PISD: variants seen among roughly 807,000 people sequenced by gnomAD.
PISD encodes phosphatidylserine decarboxylase proenzyme, mitochondrial.
PISD carries 31 observed loss-of-function variants against 43.5 expected under a neutral mutation model. That is an observed-to-expected ratio of 0.71 (90% CI 0.54 to 0.96). The LOEUF is 0.96. PISD is among the 40% of genes least tolerant of loss of function. The pLI, the probability that PISD is intolerant of heterozygous loss-of-function variation, is 0.00. For synonymous variants in PISD, 259 were observed against 228.7 expected (o/e 1.13, Z -1.20); for missense variants, 523 against 548.4 (o/e 0.95, Z 0.46).
chr22:31,627,226 T>C (rs1310311564), intron 3 of PISD, among the ~76,000 whole-genome samples: 1 of 152,158 alleles, frequency 6.6e-6, no homozygotes, highest in Non-Finnish European at 1.5e-5. Context: ...CTCTCCTAAA[T>C]GAGTGACGGG....
chr22:31,644,099 T>A (rs2073814748), intron 3 of PISD, among the ~76,000 whole-genome samples: 1 of 151,918 alleles, frequency 6.6e-6, no homozygotes, highest in African/African-American at 2.4e-5. Flanking sequence ...AAGGGAACAT[T>A]AGGTAGGGCT....
chr22:31,655,316 C>CTTTTT (rs58895520), intron 1 of PISD, among the ~76,000 whole-genome samples: 4,822 of 145,046 alleles, frequency 0.033, 153 homozygotes, highest in Admixed American at 0.11. Flanking sequence ...GTACAACCCC[C>CTTTTT]TTTTTTTTTT....
chr22:31,629,772 T>A (rs1223699041), intron 3 of PISD: 4 of 152,200 alleles, frequency 2.6e-5, no homozygotes, highest in African/African-American at 7.3e-5. Context: ...TATGGCACTG[T>A]CACCTGCAGT....
chr22:31,623,916 C>T (rs923920241), intron 3 of PISD: 2 of 1,436,894 alleles, frequency 1.4e-6, no homozygotes, highest in Non-Finnish European at 1.9e-6. Flanking sequence ...CAGGAGGCTG[C>T]CACCTGCACC....
At chr22:31,654,037 C>T (rs1208197158) in intron 1 of PISD, among the ~76,000 whole-genome samples, 1 of 152,186 alleles carries the variant, frequency 6.6e-6, no homozygotes, top group African/African-American at 2.4e-5. Context: ...AAGAGCTCTC[C>T]ACTCACTGTT....
intron 7 of PISD, among the ~76,000 whole-genome samples, chr22:31,620,100 G>A (rs776788902): frequency 6.6e-6 from 1 of 152,228 alleles, no homozygotes; most frequent in Admixed American, 6.5e-5. Context: ...ATGGTGCTGG[G>A]AGAGCAGCAC....
Position 31,619,524 on chromosome 22 carries a change from C to G in PISD, c.*88G>C. On this transcript the variant is annotated 3_prime_UTR_variant, in exon 8 of 8. Coordinates refer to ENST00000439502, the MANE Select transcript of PISD (RefSeq NM_001326411.2). ...CCAACCACGCTGAGGCAGGCCCTTA[C>G]CTGGATGGCCTCATGGGCCTCCCTC... 1 of 1,053,508 alleles carries G rather than the reference C, an allele frequency of 9.5e-7. No homozygotes were observed. The highest frequency in any genetic ancestry group is 1.5e-6 in the Non-Finnish European group (1 of 686,244). 65.3% of individuals were successfully genotyped at this position (1,053,508 alleles called of 1,614,324 possible). A position where few individuals can be genotyped will look rare whatever the true frequency, so the allele number is the denominator to read the frequency against.
chr22:31,654,912 CT>C (rs974595383), intron 1 of PISD, among the ~76,000 whole-genome samples: 1 of 151,882 alleles, frequency 6.6e-6, no homozygotes, highest in African/African-American at 2.4e-5. Flanking sequence ...CCAGTAGCTA[CT>C]AAAATCCAAA....
rs1569488860 is a variant in PISD at position 31,640,887 on chromosome 22, T to TTTTTTTGTTTTG, written c.321+7213_321+7214insCAAAACAAAAAA. Among the ~76,000 whole-genome samples the TTTTTTTGTTTTG allele has an allele frequency of 8.3e-5, 6 of 72,218 alleles. 1 individual carries two copies. The highest frequency in any genetic ancestry group is 1.6e-4 in the Non-Finnish European group (6 of 38,606). 47.4% of individuals were successfully genotyped at this position (72,218 alleles called of 152,430 possible). A position where few individuals can be genotyped will look rare whatever the true frequency, so the allele number is the denominator to read the frequency against. On this transcript the variant is annotated intron_variant, in intron 3 of 7. Transcript: ENST00000439502. The stretch of plus-strand genomic sequence containing the variant: ...TGAGCCACCACACCCGGTGTTTTTT[T>TTTTTTTGTTTTG]TTTTTTTTTTTTTTTTTGAGATGGA...
At chr22:31,635,646 A>C (rs942548550) in intron 3 of PISD, among the ~76,000 whole-genome samples, 3 of 152,200 alleles carry the variant, frequency 2.0e-5, no homozygotes, top group African/African-American at 7.2e-5. Flanking sequence ...CCACACACTG[A>C]CCGCTCAAAG....
rs1331062915 is a variant in PISD at position 31,618,834 on chromosome 22, G to A, written c.*778C>T. On this transcript the variant is annotated 3_prime_UTR_variant, in exon 8 of 8. Transcript: ENST00000439502. ...ATGTAGGGATATGTGGAGGGGGACA[G>A]GAACTCTCCCATTTCCCCAGCTGGG... is the stretch of plus-strand genomic sequence containing the variant. The A allele has an allele frequency of 6.2e-6, 1 of 162,310 alleles. No homozygotes were observed. Among genetic ancestry groups the A allele is most frequent in the Non-Finnish European group, 1.3e-5 (1 of 74,464 alleles). The allele number at this position is 162,310 out of a possible 1,614,324, so 10.1% of individuals were successfully genotyped here.
At position 31,637,165 on chromosome 22, in the gene PISD, ATATATATATATATATATATATATATAT is replaced by A. The variant is rs1270340687; in HGVS notation, c.321+10909_321+10935del. Reference sequence around the variant, plus strand: ...AATTAAAAAAAAAAAAAAAAAAAAAATATATATATATATATATATATATATATATATATATATATATAGAAAAATTAG... The same window carrying A: ...AATTAAAAAAAAAAAAAAAAAAAAAAATATATATATATATAGAAAAATTAG... On this transcript the variant is annotated intron_variant, in intron 3 of 7. Coordinates refer to ENST00000439502, the MANE Select transcript of PISD (RefSeq NM_001326411.2). Among the ~76,000 whole-genome samples the A allele has an allele frequency of 6.6e-3, 89 of 13,402 alleles. 2 individuals are homozygous for A. Among genetic ancestry groups the A allele is most frequent in the African/African-American group, 0.042 (86 of 2,058 alleles). 8.8% of individuals were successfully genotyped at this position (13,402 alleles called of 152,430 possible). A position where few individuals can be genotyped will look rare whatever the true frequency, so the allele number is the denominator to read the frequency against.
chr22:31,623,291 C>T (rs1274009228), intron 3 of PISD, among the ~76,000 whole-genome samples: 1 of 152,212 alleles, frequency 6.6e-6, no homozygotes, highest in African/African-American at 2.4e-5. Flanking sequence ...CCTGAACCAC[C>T]CCTTTGGCAT....
chr22:31,655,719 C>T lies in PISD; in HGVS notation c.66-4941G>A, dbSNP rs541631683. On this transcript the variant is annotated intron_variant, in intron 1 of 7. Coordinates refer to ENST00000439502, the MANE Select transcript of PISD (RefSeq NM_001326411.2). ...GCGTGATCTCAACTCACTGCAACCT[C>T]CGCCTCCTGGGTTCAAGCAGTTCTT... Among the ~76,000 whole-genome samples the T allele has an allele frequency of 3.9e-5, 6 of 152,194 alleles. No individual in the cohort carries two copies. The East Asian group carries it at 1.2e-3, about 30-fold the overall frequency.
chr22:31,636,055 G>A (rs375347741), intron 3 of PISD, among the ~76,000 whole-genome samples: 12 of 152,184 alleles, frequency 7.9e-5, no homozygotes, highest in South Asian at 4.1e-4. Context: ...CATGTACATC[G>A]CTCACCAACA....
intron 3 of PISD, among the ~76,000 whole-genome samples, chr22:31,640,957 G>A (rs60746452): frequency 0.015 from 1,952 of 128,602 alleles, 44 homozygotes; most frequent in African/African-American, 0.053. Context: ...GCGCAATCTC[G>A]GCTCACTGCA....
At chr22:31,657,004 T>C (rs1211074420) in intron 1 of PISD, among the ~76,000 whole-genome samples, 2 of 152,222 alleles carry the variant, frequency 1.3e-5, no homozygotes, top group Non-Finnish European at 2.9e-5. Context: ...AGTAGGCATA[T>C]ATATCTATGT....
intron 3 of PISD, among the ~76,000 whole-genome samples, chr22:31,625,173 G>T (rs1041004853): frequency 1.3e-5 from 2 of 152,208 alleles, no homozygotes; most frequent in Non-Finnish European, 2.9e-5. Flanking sequence ...CAGAGCAGAC[G>T]GCAGGCGAAC....
intron 3 of PISD, chr22:31,628,105 A>G (rs996631804): frequency 2.9e-4 from 282 of 985,430 alleles, no homozygotes; most frequent in Non-Finnish European, 3.2e-4. Context: ...CCAGGGTGTC[A>G]GTGCCTCCAT....
Sources: allele counts gnomAD v4.1 joint callset (sites outside exome capture counted in the v4.1 genomes callset), GRCh38; gene constraint gnomAD v4.1.1; transcripts MANE v1.5; gene names NCBI Gene and HGNC (gene_info 2026-07-23, HGNC 2026-07-21).